Variants in SAR1A observed in about 807,000 individuals in gnomAD.
SAR1A encodes the protein secretion associated Ras related GTPase 1A.
Under a neutral mutation model 22.6 loss-of-function variants are expected in SAR1A, and 6 were observed. The observed-to-expected ratio is 0.27, with a 90% confidence interval of 0.15 to 0.52. The LOEUF (loss-of-function observed/expected upper bound fraction) is 0.52. SAR1A is among the 20% of genes least tolerant of loss of function. The pLI, the probability that SAR1A is intolerant of heterozygous loss-of-function variation, is 0.96. For synonymous variants in SAR1A, 70 were observed against 82.2 expected, an observed-to-expected ratio of 0.85 and a Z score of 0.80; for missense variants, 145 against 245.1, an observed-to-expected ratio of 0.59 and a Z score of 2.73.
rs570086646 is a variant in SAR1A at position 70,164,501 on chromosome 10, AGCCAACAATAT to A, written c.-16-2581_-16-2571del. 5.3e-5 allele frequency among the ~76,000 whole-genome samples: 8 copies of A among 152,346 alleles called. No homozygotes were observed. In the South Asian group the frequency reaches 1.7e-3, roughly 32 times the overall value. Reference sequence around the variant, plus strand: ...TTGTAACTCTGTGTGGACTACGGACAGCCAACAATATGTACTTAAAAGTTGCACTACTGCAG... The same window carrying A: ...TTGTAACTCTGTGTGGACTACGGACAGTACTTAAAAGTTGCACTACTGCAG... On this transcript the variant is annotated intron_variant, in intron 1 of 6. Coordinates refer to ENST00000373241, the MANE Select transcript of SAR1A (RefSeq NM_020150.5).
In SAR1A at chr10:70,163,714, T is replaced by C. The variant is rs1839506747; in HGVS notation, c.-16-1783A>G. On this transcript the variant is annotated intron_variant, in intron 1 of 6. Coordinates refer to ENST00000373241, the MANE Select transcript of SAR1A (RefSeq NM_020150.5). Reference sequence around the variant, plus strand: ...CTGACCAACTGACTGAGGAGCAGATTGTAGAATTCAAAGAAGTTTTTTCAC... The same window carrying C: ...CTGACCAACTGACTGAGGAGCAGATCGTAGAATTCAAAGAAGTTTTTTCAC... 3.7e-6 allele frequency: 3 copies of C among 807,280 alleles called. No homozygotes were observed. The South Asian group carries it at 4.1e-5, about 11-fold the overall frequency. 50.0% of individuals were successfully genotyped at this position (807,280 alleles called of 1,614,324 possible).
At chr10:70,158,010 T>A in intron 4 of SAR1A, 143 bp from the exon 5 acceptor site, 1 of 599,264 alleles carries the variant, frequency 1.7e-6, no homozygotes, top group Non-Finnish European at 2.9e-6. Flanking sequence ...TGGCCAGTAT[T>A]AATTCAGAAC....
chr10:70,159,570 G>A (rs1839440574), intron 4 of SAR1A, among the ~76,000 whole-genome samples: 1 of 152,010 alleles, frequency 6.6e-6, no homozygotes, highest in African/African-American at 2.4e-5. Context: ...CCAGGAAGTA[G>A]AGGTTGCAGT....
chr10:70,163,576 T>G, intron 1 of SAR1A: 2 of 588,126 alleles, frequency 3.4e-6, no homozygotes, highest in Non-Finnish European at 6.1e-6. Context: ...ATTTACCATT[T>G]TGAAAATCCT....
intron 1 of SAR1A, chr10:70,167,635 A>G (rs1254718752): frequency 6.6e-6 from 1 of 152,054 alleles, no homozygotes; most frequent in East Asian, 1.9e-4. Context: ...ATTGAAAAGT[A>G]GAGCTGGTAT....
rs1839302575 is a variant in SAR1A, at chr10:70,149,547, A to ATTTTTTTTTTGTTTTTTTTTTTT, written c.*2928_*2929insAAAAAAAAAAAACAAAAAAAAAA. 1.5e-5 allele frequency: 1 copy of ATTTTTTTTTTGTTTTTTTTTTTT among 68,034 alleles called. No homozygotes were observed. The highest frequency in any genetic ancestry group is 6.6e-5 in the African/African-American group (1 of 15,126). The allele number at this position is 68,034 out of a possible 1,614,324, so 4.2% of individuals were successfully genotyped here. A position where few individuals can be genotyped will look rare whatever the true frequency, so the allele number is the denominator to read the frequency against. ...TTTTGCCAAATGTAGCATTTAATTG[A>ATTTTTTTTTTGTTTTTTTTTTTT]TTTTTTTTTTTTTTTTTTTTTTGAG... On this transcript the variant is annotated 3_prime_UTR_variant, in exon 7 of 7. Coordinates refer to ENST00000373241, the MANE Select transcript of SAR1A (RefSeq NM_020150.5).
intron 5 of SAR1A, among the ~76,000 whole-genome samples, chr10:70,156,025 A>G (rs1839383205): frequency 4.6e-5 from 7 of 152,336 alleles, no homozygotes; most frequent in South Asian, 2.1e-4. Flanking sequence ...GGTAGGATTT[A>G]TATTAATTCA....
At position 70,160,184 on chromosome 10, in the gene SAR1A, T is replaced by C. The variant is rs146985618; in HGVS notation, c.244+820A>G. 4.2e-3 allele frequency among the ~76,000 whole-genome samples: 642 copies of C among 151,980 alleles called. 2 individuals are homozygous for C. The highest frequency in any genetic ancestry group is 7.1e-3 in the Non-Finnish European group (484 of 67,950). On this transcript the variant is annotated intron_variant, in intron 4 of 6. Transcript: ENST00000373241. ...ATGAAAAAAATGGTATAAAAGAGAT[T>C]ATCAGGACAACTGACCAAAAAAAAA... is the stretch of plus-strand genomic sequence containing the variant.
chr10:70,162,830 T>G (rs997922748), intron 1 of SAR1A: 1 of 152,352 alleles, frequency 6.6e-6, no homozygotes, highest in Non-Finnish European at 1.5e-5. Flanking sequence ...ATGTTACATT[T>G]TGGTAATTCT....
chr10:70,169,490 C>A (rs1323517642), intron 1 of SAR1A, among the ~76,000 whole-genome samples: 1 of 152,116 alleles, frequency 6.6e-6, no homozygotes, highest in African/African-American at 2.4e-5. Flanking sequence ...TATTAATGTA[C>A]CTAAAATGAA....
At chr10:70,165,247 A>G (rs1465396783) in intron 1 of SAR1A, among the ~76,000 whole-genome samples, 1 of 143,080 alleles carries the variant, frequency 7.0e-6, no homozygotes, top group Non-Finnish European at 1.5e-5. Flanking sequence ...CCTGGGCGAC[A>G]GAGCGAGACT....
Position 70,153,876 on chromosome 10 carries a change from G to A in SAR1A, c.442C>T (p.Arg148Cys), listed in dbSNP as rs750712921. The A allele has an allele frequency of 5.0e-6, 8 of 1,605,616 alleles. No individual in the cohort carries two copies. Among genetic ancestry groups the A allele is most frequent in the Non-Finnish European group, 5.9e-6 (7 of 1,177,262 alleles). ...RTDAISEEKL[R>C]EIFGLYGQTT... ...TGTCCATAAAGCCCAAATATCTCAC[G>A]GAGTTTTTCTTCACTGATTGCATCT... The change falls in exon 6 of 7, where the codon CGT becomes TGT. Residue 148 changes from arginine (R) to cysteine (C), a missense_variant. Around this residue, in one of 3 missense-constraint regions of SAR1A, gnomAD observed 83 missense variants for 114.7 expected, o/e 0.72. Transcript: ENST00000373241.
intron 1 of SAR1A, among the ~76,000 whole-genome samples, chr10:70,169,990 C>G (rs870801): frequency 6.6e-6 from 1 of 151,924 alleles, no homozygotes; most frequent in Non-Finnish European, 1.5e-5. Context: ...AGCGCTCACA[C>G]TCGCTAACTG....
chr10:70,161,982 A>C, intron 1 of SAR1A, 51 bp from the exon 2 acceptor site: 1 of 1,318,000 alleles, frequency 7.6e-7, no homozygotes, highest in Non-Finnish European at 1.1e-6. Flanking sequence ...TGACAGTACA[A>C]TTGTGGAGAG....
chr10:70,162,037 G>C, intron 1 of SAR1A, 106 bp from the exon 2 acceptor site: 1 of 818,156 alleles, frequency 1.2e-6, no homozygotes, highest in East Asian at 2.8e-5. Context: ...ATAGTCTCTT[G>C]TTTTCGGGAA....
At chr10:70,159,511 T>C (rs1347948782) in intron 4 of SAR1A, among the ~76,000 whole-genome samples, 1 of 151,972 alleles carries the variant, frequency 6.6e-6, no homozygotes, top group Non-Finnish European at 1.5e-5. Context: ...CTGGGCAACA[T>C]GGCGGAAACC....
At chr10:70,168,309 T>C (rs17594883) in intron 1 of SAR1A, among the ~76,000 whole-genome samples, 2,009 of 152,328 alleles carry the variant, frequency 0.013, 15 homozygotes, top group Middle Eastern at 0.037. Flanking sequence ...GCAGAATTCA[T>C]CTAGTTGAAA....
rs1296640649 is a variant in SAR1A at position 70,161,741 on chromosome 10, A to G, written c.59-3T>C. The G allele has an allele frequency of 6.2e-7, 1 of 1,613,806 alleles. No homozygotes were observed. The highest frequency in any genetic ancestry group is 1.7e-5 in the Admixed American group (1 of 59,942). The stretch of plus-strand genomic sequence containing the variant: ...TTTTCCAGATTTCTTGTACAGTCCT[A>G]AAAGAGAAAAAAATTGTTAACACAT... On this transcript the variant is annotated splice_region_variant and splice_polypyrimidine_tract_variant and intron_variant, in intron 2 of 6. Coordinates refer to ENST00000373241, the MANE Select transcript of SAR1A (RefSeq NM_020150.5).
intron 4 of SAR1A, among the ~76,000 whole-genome samples, chr10:70,158,757 C>CAGA (rs368054677): frequency 4.0e-5 from 5 of 125,786 alleles, no homozygotes; most frequent in Non-Finnish European, 6.8e-5. Flanking sequence ...TTAAGTTATA[C>CAGA]AAAAAAAAAA....
Sources: gnomAD v4.1 joint callset for allele counts (sites outside exome capture counted in the v4.1 genomes callset) on GRCh38, gnomAD v4.1.1 for gene constraint, gnomAD v4.1.1 regional missense constraint, MANE v1.5 for transcripts, NCBI Gene and HGNC (gene_info 2026-07-23, HGNC 2026-07-21) for gene names.